MIPEP: variants seen among roughly 807,000 people sequenced by gnomAD.
The protein encoded by MIPEP is mitochondrial intermediate peptidase.
Under a neutral mutation model 90.3 loss-of-function variants are expected in MIPEP, and 79 were observed. The ratio of observed to expected loss-of-function variants is 0.87; its 90% CI spans 0.73 to 1.05. MIPEP has a LOEUF of 1.05. Ranked by LOEUF, MIPEP falls within the 50% of genes least tolerant of loss-of-function variation. The pLI is 0.00. For missense variants in MIPEP, 940 were observed against 905.6 expected (o/e 1.04, Z -0.49); for synonymous variants, 334 against 315.8 (o/e 1.06, Z -0.61).
At chr13:23,867,927 T>C (rs577877924) in intron 7 of MIPEP, among the ~76,000 whole-genome samples, 1 of 150,226 alleles carries the variant, frequency 6.7e-6, no homozygotes, top group South Asian at 2.1e-4. Flanking sequence ...TATTCTAATA[T>C]TATTATTTTA....
chr13:23,763,379 C>A (rs762785122), intron 16 of MIPEP, among the ~76,000 whole-genome samples: 13 of 152,194 alleles, frequency 8.5e-5, no homozygotes, highest in South Asian at 4.1e-4. Context: ...AGGGTGGAAG[C>A]CCCGGAATTT....
intron 18 of MIPEP, among the ~76,000 whole-genome samples, chr13:23,731,504 T>C (rs965982299): frequency 2.0e-5 from 3 of 152,182 alleles, no homozygotes; most frequent in African/African-American, 7.2e-5. Flanking sequence ...TAATTTGAGA[T>C]GGTCACAGAC....
intron 14 of MIPEP, among the ~76,000 whole-genome samples, chr13:23,825,909 G>A (rs946854729): frequency 6.6e-6 from 1 of 151,982 alleles, no homozygotes; most frequent in African/African-American, 2.4e-5. Context: ...TCTTAACATC[G>A]CTTTAAAAAT....
rs749737926 is a variant in MIPEP, at chr13:23,889,140, C to G, written c.181G>C (p.Glu61Gln). ...PQGSRLDLFG[E>Q]RRGLFGVPEL... Reference sequence around the variant, plus strand: ...CCTCCTGCGCCGCTCACCCGGCGCTCGCCGAACAGGTCCAAGCGGCTGCCC... The same window carrying G: ...CCTCCTGCGCCGCTCACCCGGCGCTGGCCGAACAGGTCCAAGCGGCTGCCC... Residue 61 changes from glutamate (E) to glutamine (Q), a missense_variant, in exon 1 of 19, where the codon GAG (glutamate) becomes CAG (glutamine). Glu to Gln is a conservative substitution (Grantham distance 29). Transcript: ENST00000382172. 4 of 1,429,078 alleles carry G rather than the reference C, an allele frequency of 2.8e-6. No homozygotes were observed. The highest frequency in any genetic ancestry group is 2.7e-6 in the Non-Finnish European group (3 of 1,093,278). The allele number at this position is 1,429,078 out of a possible 1,614,324, so 88.5% of individuals were successfully genotyped here. A position where few individuals can be genotyped will look rare whatever the true frequency, so the allele number is the denominator to read the frequency against.
At chr13:23,798,418 G>GTA (rs1952988538) in intron 16 of MIPEP, among the ~76,000 whole-genome samples, 2 of 152,178 alleles carry the variant, frequency 1.3e-5, no homozygotes, top group South Asian at 4.1e-4. Context: ...TACACCTTGA[G>GTA]TATACTGCAG....
At chr13:23,747,095 C>T (rs1952391658) in intron 18 of MIPEP, among the ~76,000 whole-genome samples, 4 of 152,102 alleles carry the variant, frequency 2.6e-5, no homozygotes, top group Non-Finnish European at 5.9e-5. Flanking sequence ...AGAGTGTGAC[C>T]GACTCCTGAC....
chr13:23,810,216 A>G (rs1412604484), intron 14 of MIPEP, among the ~76,000 whole-genome samples: 2 of 152,172 alleles, frequency 1.3e-5, no homozygotes, highest in Non-Finnish European at 2.9e-5. Flanking sequence ...TAAAACCTCA[A>G]AGGGAATACT....
chr13:23,847,851 T>C (rs564545781), intron 10 of MIPEP, among the ~76,000 whole-genome samples: 9 of 150,150 alleles, frequency 6.0e-5, no homozygotes, highest in African/African-American at 2.2e-4. Context: ...TTTGAGATAA[T>C]ATTATCTTAT....
intron 16 of MIPEP, among the ~76,000 whole-genome samples, chr13:23,779,713 G>A (rs1258027157): frequency 6.6e-6 from 1 of 152,148 alleles, no homozygotes; most frequent in East Asian, 1.9e-4. Context: ...CCTAGCAAAG[G>A]TAAGGGGTGG....
chr13:23,856,334 CTG>C (rs1870045801), intron 10 of MIPEP, among the ~76,000 whole-genome samples: 1 of 152,156 alleles, frequency 6.6e-6, no homozygotes. Flanking sequence ...CTGGGATAAA[CTG>C]TGGAGGAAGA....
chr13:23,883,041 A>G (rs1356275089), intron 2 of MIPEP, among the ~76,000 whole-genome samples: 2 of 152,180 alleles, frequency 1.3e-5, no homozygotes, highest in African/African-American at 4.8e-5. Context: ...ACAGTTTATA[A>G]AACGATTGCC....
Position 23,886,417 on chromosome 13 carries a change from G to A in MIPEP, c.279C>T (p.Asp93=). The A allele has an allele frequency of 6.2e-7, 1 of 1,608,624 alleles. No homozygotes were observed. Among genetic ancestry groups the A allele is most frequent in the Non-Finnish European group, 8.5e-7 (1 of 1,177,098 alleles). ...GCCCAGGTGGGGTGGAACATGCACG[G>A]TCCACAAGCAATTCTGTCTTTCTCA... The part of the protein sequence containing the change: ...KALRKTELLV[D]RACSTPPGPQ... Residue 93 remains aspartate, a synonymous_variant, in exon 2 of 19, where the codon GAC becomes GAT. Transcript: ENST00000382172.
intron 16 of MIPEP, among the ~76,000 whole-genome samples, chr13:23,786,049 T>A (rs550655137): frequency 6.6e-6 from 1 of 152,086 alleles, no homozygotes; most frequent in Non-Finnish European, 1.5e-5. Context: ...TGAGACCCTG[T>A]CTCTACAAAA....
rs1386695579 is a variant in MIPEP at position 23,856,578 on chromosome 13, C to T, written c.1106+2282G>A. Among the ~76,000 whole-genome samples the T allele has an allele frequency of 2.6e-5, 4 of 152,246 alleles. No individual in the cohort carries two copies. In the East Asian group the frequency reaches 5.8e-4, roughly 22 times the overall value. ...AGGAAGGGGGTGCTAACTTCCCGGT[C>T]ATTGGCCTTGGCACTAGTAAACTGT... is the stretch of plus-strand genomic sequence containing the variant. On this transcript the variant is annotated intron_variant, in intron 10 of 18. Coordinates refer to ENST00000382172, the MANE Select transcript of MIPEP (RefSeq NM_005932.4).
At chr13:23,730,548 G>A in intron 18 of MIPEP, 103 bp from the exon 19 acceptor site, 1 of 741,094 alleles carries the variant, frequency 1.3e-6, no homozygotes, top group Non-Finnish European at 2.4e-6. Flanking sequence ...CTGGCTTTCT[G>A]AATTAAGACT....
At position 23,837,655 on chromosome 13, in the gene MIPEP, A is replaced by G. The variant is rs1442693298; in HGVS notation, c.1440T>C (p.Ser480=). ...LMLNLPRSSR[S]SPTLLTPSMM... ...TGCTAGGAGTTAGCAAAGTTGGAGA[A>G]CTCCTTGAGGAACGGGGAAGATTCA... Residue 480 remains serine (S), a synonymous_variant, in exon 13 of 19, where the codon AGT becomes AGC. Transcript: ENST00000382172. 1.2e-6 allele frequency: 2 copies of G among 1,613,960 alleles called. No individual in the cohort carries two copies. The highest frequency in any genetic ancestry group is 1.3e-5 in the African/African-American group (1 of 75,016).
intron 16 of MIPEP, among the ~76,000 whole-genome samples, chr13:23,800,807 G>T (rs1953027662): frequency 6.6e-6 from 1 of 152,114 alleles, no homozygotes; most frequent in Non-Finnish European, 1.5e-5. Flanking sequence ...GACTTCCAGG[G>T]TTAATACATT....
chr13:23,793,836 T>C (rs1349146320), intron 16 of MIPEP, among the ~76,000 whole-genome samples: 1 of 151,754 alleles, frequency 6.6e-6, no homozygotes, highest in East Asian at 2.0e-4. Flanking sequence ...CAGAAACAAG[T>C]GCCAAGACTC....
chr13:23,795,062 G>A (rs772366457), intron 16 of MIPEP, among the ~76,000 whole-genome samples: 2 of 152,096 alleles, frequency 1.3e-5, no homozygotes, highest in Non-Finnish European at 2.9e-5. Flanking sequence ...AATAAATATT[G>A]TTTTCTTTAA....
Sources: allele counts gnomAD v4.1 joint callset (sites outside exome capture counted in the v4.1 genomes callset), GRCh38; gene constraint gnomAD v4.1.1; transcripts MANE v1.5; gene names NCBI Gene and HGNC (gene_info 2026-07-23, HGNC 2026-07-21).